The following NCALD variants were observed in gnomAD, a reference collection of about 807,000 sequenced individuals.
NCALD encodes neurocalcin delta, also known as neurocalcin-delta.
In NCALD, 10 loss-of-function variants were observed where a neutral mutation model predicts 18.6. That is an observed-to-expected ratio of 0.54 (90% confidence interval 0.33 to 0.91). NCALD has a LOEUF of 0.91. NCALD is among the 40% of genes least tolerant of loss of function. The pLI, the probability that NCALD is intolerant of heterozygous loss-of-function variation, is 0.03. For synonymous variants in NCALD, 88 were observed against 87.4 expected, an observed-to-expected ratio of 1.01 and a Z score of -0.04; for missense variants, 184 against 247.6, an observed-to-expected ratio of 0.74 and a Z score of 1.72.
intron 1 of NCALD, among the ~76,000 whole-genome samples, chr8:102,031,937 T>C (rs1205891967): frequency 1.3e-5 from 2 of 152,176 alleles, no homozygotes; most frequent in Admixed American, 1.3e-4. Flanking sequence ...GTAAGAATCA[T>C]GGCTTAGAGT....
At chr8:102,061,282 T>C (rs1279611008) in intron 1 of NCALD, among the ~76,000 whole-genome samples, 1 of 152,184 alleles carries the variant, frequency 6.6e-6, no homozygotes, top group Non-Finnish European at 1.5e-5. Flanking sequence ...GGATAATCTC[T>C]TTTATGGCTC....
chr8:101,691,254 C>G lies in NCALD; in HGVS notation c.484+1537G>C, dbSNP rs550608177. On this transcript the variant is annotated intron_variant, in intron 3 of 3. Coordinates refer to ENST00000220931, the MANE Select transcript of NCALD (RefSeq NM_032041.3). Reference sequence around the variant, plus strand: ...CTCCTTCCTTCTACAGCTCCCACCCCCCTCTCCCAACCCTAACCTTTGAAA... The same window carrying G: ...CTCCTTCCTTCTACAGCTCCCACCCGCCTCTCCCAACCCTAACCTTTGAAA... 363 of 985,316 alleles carry G rather than the reference C, an allele frequency of 3.7e-4. 7 individuals are homozygous for G. The South Asian group carries it at 0.015, about 40-fold the overall frequency. 61.0% of individuals were successfully genotyped at this position (985,316 alleles called of 1,614,324 possible). A position where few individuals can be genotyped will look rare whatever the true frequency, so the allele number is the denominator to read the frequency against.
intron 3 of NCALD, among the ~76,000 whole-genome samples, chr8:101,908,342 G>C (rs956398149): frequency 1.3e-5 from 2 of 152,056 alleles, no homozygotes; most frequent in African/African-American, 4.8e-5. Context: ...TGTGGGGAGG[G>C]TGTTGTTTGG....
At chr8:102,097,005 C>T (rs1421411611) in intron 1 of NCALD, among the ~76,000 whole-genome samples, 1 of 152,106 alleles carries the variant, frequency 6.6e-6, no homozygotes, top group Admixed American at 6.5e-5. Flanking sequence ...GGGCCTAAGA[C>T]TTCAACACAA....
At chr8:101,733,143 C>A (rs532421820) in intron 1 of NCALD, among the ~76,000 whole-genome samples, 3 of 152,306 alleles carry the variant, frequency 2.0e-5, no homozygotes, top group Admixed American at 2.0e-4. Flanking sequence ...TTGGAAGGTA[C>A]TATCCTGGCC....
chr8:102,075,643 A>G (rs1026892963), intron 1 of NCALD, among the ~76,000 whole-genome samples: 2 of 152,182 alleles, frequency 1.3e-5, no homozygotes, highest in African/African-American at 4.8e-5. Context: ...TGGCAAGATG[A>G]ATCAAGACTC....
chr8:102,047,266 T>C (rs1276213693), intron 1 of NCALD, among the ~76,000 whole-genome samples: 8 of 152,238 alleles, frequency 5.3e-5, no homozygotes, highest in African/African-American at 1.9e-4. Context: ...CTAGCCATAA[T>C]AGCACAATGA....
intron 1 of NCALD, among the ~76,000 whole-genome samples, chr8:102,099,265 A>C (rs1825198253): frequency 6.6e-6 from 1 of 152,178 alleles, no homozygotes; most frequent in Non-Finnish European, 1.5e-5. Context: ...ATGCTACACC[A>C]ATAGTCCAAG....
chr8:101,704,944 G>A (rs1815439327), intron 2 of NCALD, among the ~76,000 whole-genome samples: 1 of 151,218 alleles, frequency 6.6e-6, no homozygotes, highest in African/African-American at 2.4e-5. Flanking sequence ...ATAAAAAATA[G>A]GCCGGGCGCG....
At chr8:101,770,583 G>T (rs937371234) in intron 1 of NCALD, among the ~76,000 whole-genome samples, 1 of 152,150 alleles carries the variant, frequency 6.6e-6, no homozygotes. Context: ...TCTTTACCAG[G>T]AAAAAACAAA....
intron 1 of NCALD, among the ~76,000 whole-genome samples, chr8:101,764,148 T>C (rs1811247022): frequency 6.6e-6 from 1 of 152,086 alleles, no homozygotes; most frequent in South Asian, 2.1e-4. Context: ...ACTGGTACTA[T>C]ATATTTGGGA....
chr8:101,709,116 A>G (rs1815666112), intron 2 of NCALD, among the ~76,000 whole-genome samples: 2 of 152,266 alleles, frequency 1.3e-5, no homozygotes, highest in Admixed American at 6.5e-5. Context: ...GGGCCTGCGC[A>G]TAGGGGCTCA....
At chr8:101,713,987 T>C (rs1170559212) in intron 2 of NCALD, among the ~76,000 whole-genome samples, 1 of 152,166 alleles carries the variant, frequency 6.6e-6, no homozygotes. Flanking sequence ...TGATGGAACA[T>C]ACCTTAAAAT....
At chr8:101,847,020 C>A (rs1260943308) in intron 4 of NCALD, among the ~76,000 whole-genome samples, 1 of 152,132 alleles carries the variant, frequency 6.6e-6, no homozygotes, top group East Asian at 1.9e-4. Context: ...ATTTTATTAA[C>A]AATATATCCA....
chr8:101,824,101 G>A (rs1813833058), intron 4 of NCALD, among the ~76,000 whole-genome samples: 1 of 152,182 alleles, frequency 6.6e-6, no homozygotes, highest in Admixed American at 6.5e-5. Flanking sequence ...AAGAATAAGG[G>A]AAGAACAAAA....
chr8:101,775,599 C>A (rs1811759879), intron 1 of NCALD, among the ~76,000 whole-genome samples: 1 of 152,170 alleles, frequency 6.6e-6, no homozygotes, highest in African/African-American at 2.4e-5. Flanking sequence ...ATACCTCTCC[C>A]CTCAGGCTTC....
chr8:101,898,337 T>C (rs977731269), intron 3 of NCALD, among the ~76,000 whole-genome samples: 2 of 152,228 alleles, frequency 1.3e-5, no homozygotes, highest in Non-Finnish European at 2.9e-5. Context: ...CCAAATATCA[T>C]TTACAATAAG....
chr8:101,712,612 TAGC>T (rs1756112680), intron 2 of NCALD, among the ~76,000 whole-genome samples: 2 of 57,304 alleles, frequency 3.5e-5, no homozygotes, highest in African/African-American at 1.2e-4. Context: ...AAAAAAAAAA[TAGC>T]AGAGGTTGCA....
At chr8:101,966,641 A>G (rs1820044133) in intron 2 of NCALD, among the ~76,000 whole-genome samples, 1 of 152,078 alleles carries the variant, frequency 6.6e-6, no homozygotes, top group Admixed American at 6.6e-5. Flanking sequence ...ATAATAATAA[A>G]ATTAAAAAAA....
Sources: gnomAD v4.1 joint callset for allele counts (sites outside exome capture counted in the v4.1 genomes callset) on GRCh38, gnomAD v4.1.1 for gene constraint, MANE v1.5 for transcripts, NCBI Gene and HGNC (gene_info 2026-07-23, HGNC 2026-07-21) for gene names.